Variants in PTPRO observed in about 807,000 individuals in gnomAD.
PTPRO encodes the protein receptor-type tyrosine-protein phosphatase O.
A neutral mutation model predicts 145.2 loss-of-function variants in PTPRO; 62 were observed. That is an observed-to-expected ratio of 0.43 (90% CI 0.35 to 0.53). PTPRO has a LOEUF of 0.53. PTPRO is among the 20% of genes least tolerant of loss of function. PTPRO has a pLI of 0.01. For missense variants in PTPRO, 1,345 were observed against 1,482.7 expected (o/e 0.91, Z 1.53); for synonymous variants, 565 against 514.7 (o/e 1.10, Z -1.32).
At chr12:15,568,819 T>C (rs1000932273) in intron 18 of PTPRO, among the ~76,000 whole-genome samples, 1 of 152,206 alleles carries the variant, frequency 6.6e-6, no homozygotes, top group Non-Finnish European at 1.5e-5. Flanking sequence ...AGTGAGACCC[T>C]GGGAGCTTTC....
At chr12:15,514,541 C>A (rs1942536258) in intron 7 of PTPRO, among the ~76,000 whole-genome samples, 1 of 150,284 alleles carries the variant, frequency 6.7e-6, no homozygotes, top group Non-Finnish European at 1.5e-5. Context: ...TAGGGGGCTA[C>A]AACAGCCTGG....
intron 1 of PTPRO, among the ~76,000 whole-genome samples, chr12:15,344,411 A>G (rs1290209738): frequency 6.6e-6 from 1 of 152,242 alleles, no homozygotes; most frequent in Non-Finnish European, 1.5e-5. Flanking sequence ...CTATACAGAA[A>G]TCTCATAAAA....
intron 18 of PTPRO, among the ~76,000 whole-genome samples, chr12:15,566,106 T>C (rs929312562): frequency 6.6e-6 from 1 of 152,220 alleles, no homozygotes; most frequent in Admixed American, 6.5e-5. Flanking sequence ...TAATCTAGCC[T>C]GTGGTTTTCC....
intron 1 of PTPRO, among the ~76,000 whole-genome samples, chr12:15,433,199 G>A (rs1940497585): frequency 6.9e-6 from 1 of 144,804 alleles, no homozygotes; most frequent in Non-Finnish European, 1.5e-5. Flanking sequence ...TTCTGAGGTG[G>A]AGTCTCACTC....
Position 15,596,355 on chromosome 12 carries a change from T to C in PTPRO, c.*282T>C, listed in dbSNP as rs1205079397. The C allele has an allele frequency of 6.6e-6, 1 of 152,640 alleles. No individual in the cohort carries two copies. Among genetic ancestry groups the C allele is most frequent in the African/African-American group, 2.4e-5 (1 of 41,446 alleles). 9.5% of individuals were successfully genotyped at this position (152,640 alleles called of 1,614,324 possible). On this transcript the variant is annotated 3_prime_UTR_variant, in exon 27 of 27. Transcript: ENST00000281171. Reference sequence around the variant, plus strand: ...TCCAAAGGGCAGGAAGTACAGCACTTCCGAAGAGTTTAGTTGGCCCTTTGC... The same window carrying C: ...TCCAAAGGGCAGGAAGTACAGCACTCCCGAAGAGTTTAGTTGGCCCTTTGC...
intron 1 of PTPRO, among the ~76,000 whole-genome samples, chr12:15,357,265 G>A (rs1339813884): frequency 1.3e-5 from 2 of 152,192 alleles, no homozygotes; most frequent in African/African-American, 4.8e-5. Flanking sequence ...AGCAACTGAT[G>A]GCTGCAGGTG....
In PTPRO at chr12:15,569,152, T is replaced by C. The variant is rs149805777; in HGVS notation, c.2748-265T>C. Among the ~76,000 whole-genome samples the C allele has an allele frequency of 2.6e-5, 4 of 152,146 alleles. No individual in the cohort carries two copies. The East Asian group carries it at 7.8e-4, about 30-fold the overall frequency. ...GTGTGTGTATACGAGTATGCATATA[T>C]ATACTACTGTACTGCTACAGTAAGA... On this transcript the variant is annotated intron_variant, in intron 18 of 26. Transcript: ENST00000281171.
At chr12:15,480,721 AGATGGATGGATGGATGGATGGATGGATG>A (rs58620856) in intron 1 of PTPRO, among the ~76,000 whole-genome samples, 56 of 150,972 alleles carry the variant, frequency 3.7e-4, no homozygotes, top group African/African-American at 1.3e-3. Flanking sequence ...CTGATGTAGA[AGATGGATGGATGGATGGATGGATGGATG>A]GATGGATGGA....
At chr12:15,470,893 A>G (rs1591840477) in intron 1 of PTPRO, among the ~76,000 whole-genome samples, 2 of 152,198 alleles carry the variant, frequency 1.3e-5, no homozygotes, top group Non-Finnish European at 2.9e-5. Flanking sequence ...AGACCTGCCA[A>G]TGTATTTTCT....
At chr12:15,562,884 C>G (rs916907916) in intron 17 of PTPRO, among the ~76,000 whole-genome samples, 11 of 151,980 alleles carry the variant, frequency 7.2e-5, no homozygotes, top group African/African-American at 2.4e-4. Flanking sequence ...GATGATTGCA[C>G]ATTCTATTTG....
At chr12:15,433,830 G>A (rs1033805261) in intron 1 of PTPRO, among the ~76,000 whole-genome samples, 4 of 152,124 alleles carry the variant, frequency 2.6e-5, no homozygotes, top group African/African-American at 7.2e-5. Flanking sequence ...GATTGCCTTG[G>A]CTATTCAGAC....
intron 10 of PTPRO, among the ~76,000 whole-genome samples, chr12:15,522,534 G>A (rs1201217189): frequency 6.6e-6 from 1 of 151,672 alleles, no homozygotes; most frequent in Non-Finnish European, 1.5e-5. Flanking sequence ...AAGTAAAAAC[G>A]CGTGTGTGTG....
intron 16 of PTPRO, among the ~76,000 whole-genome samples, chr12:15,559,275 C>T (rs1943715142): frequency 1.3e-5 from 2 of 152,140 alleles, no homozygotes. Flanking sequence ...CAGCTCTTCA[C>T]AAAGACAGTT....
chr12:15,591,484 A>C (rs766689690), intron 25 of PTPRO, among the ~76,000 whole-genome samples: 2 of 152,072 alleles, frequency 1.3e-5, no homozygotes, highest in Non-Finnish European at 2.9e-5. Context: ...TCCCATTTTT[A>C]GGGTCATTAT....
chr12:15,322,624 C>A lies in PTPRO; in HGVS notation c.-103C>A, dbSNP rs1032754043. The A allele has an allele frequency of 3.0e-6, 3 of 1,000,066 alleles. No individual in the cohort carries two copies. The highest frequency in any genetic ancestry group is 4.6e-6 in the Non-Finnish European group (3 of 646,028). 61.9% of individuals were successfully genotyped at this position (1,000,066 alleles called of 1,614,324 possible). A position where few individuals can be genotyped will look rare whatever the true frequency, so the allele number is the denominator to read the frequency against. On this transcript the variant is annotated 5_prime_UTR_variant, in exon 1 of 27. An upstream open reading frame in the 5' UTR gains an earlier in-frame stop. Coordinates refer to ENST00000281171, the MANE Select transcript of PTPRO (RefSeq NM_030667.3). This position sits in a 1 kb window ranked among gnomAD's most constrained non-coding sequence, Gnocchi z 6.3. ...AGCATGCGCTCGCCAGGAGCAACCT[C>A]GGCGCCCAGGGTCTGAGGCTGCAGC...
At chr12:15,583,252 C>T (rs138860756) in intron 23 of PTPRO, among the ~76,000 whole-genome samples, 8 of 152,138 alleles carry the variant, frequency 5.3e-5, no homozygotes, top group East Asian at 3.9e-4. Flanking sequence ...GAGGCTGAGG[C>T]GAGCAGATCA....
chr12:15,574,685 C>T (rs1322236377), intron 19 of PTPRO, among the ~76,000 whole-genome samples: 2 of 152,184 alleles, frequency 1.3e-5, no homozygotes, highest in Admixed American at 6.5e-5. Flanking sequence ...AATAAACCCC[C>T]TTTCCTTTAG....
chr12:15,490,026 G>A (rs1941968303), intron 2 of PTPRO, among the ~76,000 whole-genome samples: 1 of 152,190 alleles, frequency 6.6e-6, no homozygotes. Context: ...AAGGTGGCTA[G>A]AAATGTTGAA....
chr12:15,496,144 T>TTTTTTTTTTTTTTTTTTTG, intron 2 of PTPRO, among the ~76,000 whole-genome samples: 2 of 9,080 alleles, frequency 2.2e-4, no homozygotes, highest in Middle Eastern at 0.062. Context: ...CTTTTTTTGT[T>TTTTTTTTTTTTTTTTTTTG]TTTTTTTTTT....
Sources: gnomAD v4.1 joint callset for allele counts (sites outside exome capture counted in the v4.1 genomes callset) on GRCh38, gnomAD v4.1.1 for gene constraint, Gnocchi (gnomAD v3.1) non-coding constraint, MANE v1.5 for transcripts, NCBI Gene and HGNC (gene_info 2026-07-23, HGNC 2026-07-21) for gene names.